The following ROBO2 variants were observed in gnomAD, a reference collection of about 807,000 sequenced individuals.
ROBO2 encodes roundabout guidance receptor 2.
ROBO2 carries 53 observed loss-of-function variants against 160.8 expected under a neutral mutation model. The ratio of observed to expected loss-of-function variants is 0.33; its 90% CI spans 0.26 to 0.41. ROBO2 has a LOEUF of 0.41. Among genes scored for constraint, ROBO2 ranks in the 10% least tolerant of loss-of-function variants. ROBO2 has a pLI of 1.00. For missense variants in ROBO2, 1,577 were observed against 1,722.4 expected, an observed-to-expected ratio of 0.92 and a Z score of 1.49; for synonymous variants, 664 against 611.7, an observed-to-expected ratio of 1.09 and a Z score of -1.26.
intron 2 of ROBO2, among the ~76,000 whole-genome samples, chr3:76,444,824 G>A (rs530019297): frequency 1.0e-3 from 157 of 152,014 alleles, no homozygotes; most frequent in Middle Eastern, 3.4e-3. Context: ...TGTTTTTACC[G>A]CTTTTTTACT....
chr3:77,493,612 CCT>C (rs1194593304), intron 5 of ROBO2, among the ~76,000 whole-genome samples: 1 of 152,122 alleles, frequency 6.6e-6, no homozygotes. Context: ...CTTCATTCCA[CCT>C]CTTATCCCCA....
At chr3:76,004,314 T>C (rs1327747500) in intron 2 of ROBO2, among the ~76,000 whole-genome samples, 1 of 152,160 alleles carries the variant, frequency 6.6e-6, no homozygotes, top group East Asian at 1.9e-4. Flanking sequence ...TTTTGTGACA[T>C]TATTTAATAG....
intron 2 of ROBO2, chr3:76,434,631 G>A: frequency 3.5e-6 from 5 of 1,430,722 alleles, no homozygotes; most frequent in South Asian, 3.4e-5. Context: ...AAACGGGGCT[G>A]TGGCAAAAGA....
intron 2 of ROBO2, among the ~76,000 whole-genome samples, chr3:76,556,785 A>G (rs1417467836): frequency 6.6e-6 from 1 of 152,130 alleles, no homozygotes; most frequent in East Asian, 1.9e-4. Flanking sequence ...TCAAGTTATT[A>G]TGCATTTTTA....
At chr3:77,093,877 A>C (rs1173118343) in intron 1 of ROBO2, among the ~76,000 whole-genome samples, 2 of 152,160 alleles carry the variant, frequency 1.3e-5, no homozygotes, top group Non-Finnish European at 2.9e-5. Context: ...ATTATAAATG[A>C]AGAAAACAGT....
chr3:76,523,986 ATGTGTG>A (rs67480680), intron 2 of ROBO2, among the ~76,000 whole-genome samples: 3 of 149,230 alleles, frequency 2.0e-5, no homozygotes, highest in Non-Finnish European at 3.0e-5. Flanking sequence ...GTGTGTGTGT[ATGTGTG>A]TGTGTGTGTG....
intron 2 of ROBO2, among the ~76,000 whole-genome samples, chr3:76,024,564 C>T (rs577836551): frequency 6.0e-5 from 9 of 151,130 alleles, no homozygotes; most frequent in African/African-American, 9.7e-5. Flanking sequence ...ATTATAACCA[C>T]GCATTTTCAA....
chr3:75,919,533 G>C (rs1376259080), intron 1 of ROBO2, among the ~76,000 whole-genome samples: 1 of 152,160 alleles, frequency 6.6e-6, no homozygotes, highest in Non-Finnish European at 1.5e-5. Flanking sequence ...TTTGGAATCA[G>C]AATGATGCTG....
intron 2 of ROBO2, among the ~76,000 whole-genome samples, chr3:76,873,929 T>C (rs1165384040): frequency 6.6e-6 from 1 of 152,024 alleles, no homozygotes; most frequent in Non-Finnish European, 1.5e-5. Flanking sequence ...CTAATTTGAT[T>C]ATTGACCCCT....
At chr3:77,378,881 T>C (rs2073048215) in intron 2 of ROBO2, among the ~76,000 whole-genome samples, 1 of 152,158 alleles carries the variant, frequency 6.6e-6, no homozygotes, top group South Asian at 2.1e-4. Context: ...CTGGCCATGC[T>C]TTCCCCAACC....
chr3:76,301,285 G>A (rs537428253), intron 2 of ROBO2, among the ~76,000 whole-genome samples: 2 of 152,100 alleles, frequency 1.3e-5, no homozygotes, highest in African/African-American at 4.8e-5. Context: ...GAATCATTTC[G>A]ATGAAGAAAG....
intron 2 of ROBO2, among the ~76,000 whole-genome samples, chr3:76,571,933 A>G (rs1329276162): frequency 1.3e-5 from 2 of 152,150 alleles, no homozygotes; most frequent in African/African-American, 4.8e-5. Context: ...CTTGAGCCCA[A>G]GAGCTCAAGT....
chr3:76,094,134 T>TCA (rs59815528), intron 2 of ROBO2, among the ~76,000 whole-genome samples: 5,726 of 148,406 alleles, frequency 0.039, 266 homozygotes, highest in African/African-American at 0.12. Context: ...ACACTCGCAC[T>TCA]CACACACACA....
At chr3:77,301,649 C>CCCTGAAAA (rs2062666582) in intron 2 of ROBO2, among the ~76,000 whole-genome samples, 1 of 152,192 alleles carries the variant, frequency 6.6e-6, no homozygotes, top group African/African-American at 2.4e-5. Context: ...AAAAGTTAGG[C>CCCTGAAAA]ATAAACACTC....
intron 2 of ROBO2, among the ~76,000 whole-genome samples, chr3:76,015,981 A>G (rs2066394499): frequency 6.6e-6 from 1 of 152,228 alleles, no homozygotes; most frequent in South Asian, 2.1e-4. Flanking sequence ...GGATTGGCAG[A>G]AAAAATGAGA....
chr3:77,604,881 T>C (rs1165627158), intron 20 of ROBO2, among the ~76,000 whole-genome samples: 1 of 152,144 alleles, frequency 6.6e-6, no homozygotes, highest in African/African-American at 2.4e-5. Context: ...TTGAGTGTAT[T>C]ACCCTCTTTG....
At chr3:76,214,984 C>T (rs1703407903) in intron 2 of ROBO2, among the ~76,000 whole-genome samples, 1 of 152,144 alleles carries the variant, frequency 6.6e-6, no homozygotes, top group Non-Finnish European at 1.5e-5. Flanking sequence ...AACAATCAGG[C>T]AGCAGCATTT....
At chr3:77,308,639 A>G (rs1215320080) in intron 2 of ROBO2, among the ~76,000 whole-genome samples, 3 of 152,188 alleles carry the variant, frequency 2.0e-5, no homozygotes, top group Non-Finnish European at 4.4e-5. Context: ...GAGCTATGAT[A>G]TATACTAAAG....
At chr3:77,273,062 G>A (rs11924562) in intron 2 of ROBO2, among the ~76,000 whole-genome samples, 30,816 of 152,072 alleles carry the variant, frequency 0.2, 3,436 homozygotes, top group Middle Eastern at 0.29. Flanking sequence ...CCATTACTCA[G>A]GTAGTGAGCA....
Sources: allele counts gnomAD v4.1 joint callset (sites outside exome capture counted in the v4.1 genomes callset), GRCh38; gene constraint gnomAD v4.1.1; transcripts MANE v1.5; gene names NCBI Gene and HGNC (gene_info 2026-07-23, HGNC 2026-07-21).